Variants in TTC7B observed in about 807,000 individuals in gnomAD.
The protein encoded by TTC7B is tetratricopeptide repeat domain 7B, also known as tetratricopeptide repeat protein 7B.
TTC7B carries 28 observed loss-of-function variants against 106.8 expected under a neutral mutation model. That is an observed-to-expected ratio of 0.26 (90% CI 0.19 to 0.36). The LOEUF (loss-of-function observed/expected upper bound fraction) is 0.36, where lower values mean the gene tolerates loss of function less well. Ranked by LOEUF, TTC7B falls within the 10% of genes least tolerant of loss-of-function variation. The pLI is 1.00. For synonymous variants in TTC7B, 405 were observed against 430.6 expected, an observed-to-expected ratio of 0.94 and a Z score of 0.74; for missense variants, 862 against 1,076.4, an observed-to-expected ratio of 0.80 and a Z score of 2.79.
At position 90,538,493 on chromosome 14, in the gene TTC7B, G is replaced by T. The variant is rs1200841199; in HGVS notation, c.*2875C>A. On this transcript the variant is annotated 3_prime_UTR_variant, in exon 20 of 20. Transcript: ENST00000328459. ...GGCAAGGGCTTGAGAAGCCATCAGG[G>T]GTTTATAGAGAGAACCGACTCAATC... 2 of 152,312 alleles carry T rather than the reference G, an allele frequency of 1.3e-5. No homozygotes were observed. The highest frequency in any genetic ancestry group is 4.8e-5 in the African/African-American group (2 of 41,446). The allele number at this position is 152,312 out of a possible 1,614,324, so 9.4% of individuals were successfully genotyped here. A position where few individuals can be genotyped will look rare whatever the true frequency, so the allele number is the denominator to read the frequency against.
chr14:90,737,555 T>G (rs893687285), intron 4 of TTC7B, among the ~76,000 whole-genome samples: 5 of 140,430 alleles, frequency 3.6e-5, no homozygotes, highest in Admixed American at 7.1e-5. Flanking sequence ...TGTTTTTTTT[T>G]TTTTTTTTTT....
At chr14:90,555,746 C>T (rs1890274244) in intron 19 of TTC7B, among the ~76,000 whole-genome samples, 1 of 152,248 alleles carries the variant, frequency 6.6e-6, no homozygotes, top group African/African-American at 2.4e-5. Context: ...CATCAGTCAT[C>T]TCTCAGCTCC....
chr14:90,707,682 G>C (rs1044472805), intron 5 of TTC7B, among the ~76,000 whole-genome samples: 3 of 152,228 alleles, frequency 2.0e-5, no homozygotes, highest in African/African-American at 7.2e-5. Flanking sequence ...CTGGATAGAA[G>C]ATTAAAGCAG....
At position 90,816,201 on chromosome 14, in the gene TTC7B, T is replaced by G. The variant is rs2031179949; in HGVS notation, c.95A>C (p.Gln32Pro). ...QWERIPELVK[Q>P]LSAKLIANDD... ...GTTGGCGATGAGCTTGGCCGACAGC[T>G]GCTTGACGAGCTCAGGGATCCGCTC... The change falls in exon 1 of 20, where the codon CAG becomes CCG. Residue 32 changes from glutamine (Q) to proline (P), a missense_variant. Gln to Pro is a moderately conservative substitution (Grantham distance 76). Coordinates refer to ENST00000328459, the MANE Select transcript of TTC7B (RefSeq NM_001010854.2). 1 of 1,269,376 alleles carries G rather than the reference T, an allele frequency of 7.9e-7. No homozygotes were observed. Among genetic ancestry groups the G allele is most frequent in the African/African-American group, 1.6e-5 (1 of 62,506 alleles). The allele number at this position is 1,269,376 out of a possible 1,614,324, so 78.6% of individuals were successfully genotyped here.
At chr14:90,749,719 T>A (rs948498688) in intron 3 of TTC7B, among the ~76,000 whole-genome samples, 12 of 151,980 alleles carry the variant, frequency 7.9e-5, no homozygotes, top group Middle Eastern at 3.4e-3. Flanking sequence ...ATAATAATTT[T>A]TCTTTCTTTC....
chr14:90,566,064 C>T (rs140365976), intron 19 of TTC7B, among the ~76,000 whole-genome samples: 21 of 152,158 alleles, frequency 1.4e-4, no homozygotes, highest in Non-Finnish European at 2.9e-4. Context: ...AAAAATGGCA[C>T]TGATAGACCA....
At chr14:90,588,477 G>A (rs1891811415) in intron 18 of TTC7B, among the ~76,000 whole-genome samples, 1 of 152,174 alleles carries the variant, frequency 6.6e-6, no homozygotes, top group Non-Finnish European at 1.5e-5. Context: ...TGTTTGGTTT[G>A]GAAAAGACCC....
chr14:90,779,691 C>T (rs2140034623), intron 3 of TTC7B, among the ~76,000 whole-genome samples: 1 of 152,338 alleles, frequency 6.6e-6, no homozygotes, highest in South Asian at 2.1e-4. Context: ...CTTAATCCTC[C>T]TAAGAGCCCC....
At chr14:90,731,295 G>C (rs1280187136) in intron 4 of TTC7B, among the ~76,000 whole-genome samples, 1 of 152,108 alleles carries the variant, frequency 6.6e-6, no homozygotes. Context: ...ATTTCTCAGA[G>C]GAAAGCCTAC....
rs556574929 is a variant in TTC7B at position 90,562,806 on chromosome 14, G to A, written c.2310+15300C>T. 2.0e-3 allele frequency among the ~76,000 whole-genome samples: 305 copies of A among 152,174 alleles called. 2 individuals are homozygous for A. The highest frequency in any genetic ancestry group is 3.4e-3 in the Middle Eastern group (1 of 294). ...AGCCTTTCCACACTCAAACTTGCCC[G>A]AATGTCCCATGCATAAGCCACCTCC... is the stretch of plus-strand genomic sequence containing the variant. On this transcript the variant is annotated intron_variant, in intron 19 of 19. Coordinates refer to ENST00000328459, the MANE Select transcript of TTC7B (RefSeq NM_001010854.2).
intron 4 of TTC7B, among the ~76,000 whole-genome samples, chr14:90,731,677 G>T (rs531303322): frequency 6.6e-6 from 1 of 152,052 alleles, no homozygotes; most frequent in Non-Finnish European, 1.5e-5. Flanking sequence ...CCCACTACAG[G>T]CTCCTCCTCC....
intron 9 of TTC7B, among the ~76,000 whole-genome samples, chr14:90,675,502 G>A (rs1248516428): frequency 2.0e-5 from 3 of 152,086 alleles, no homozygotes; most frequent in Non-Finnish European, 2.9e-5. Context: ...ATGTGGTGGG[G>A]GCATCTGCAC....
chr14:90,802,798 C>T lies in TTC7B; in HGVS notation c.121+13377G>A, dbSNP rs1415520450. ...AGAGCCGGGTGTAACAGGGCAGGGACACTGTCAAGCAGCGGGGTTAGAAGA... is the reference window on the plus strand; with the variant it reads ...AGAGCCGGGTGTAACAGGGCAGGGATACTGTCAAGCAGCGGGGTTAGAAGA... On this transcript the variant is annotated intron_variant, in intron 1 of 19. Transcript: ENST00000328459. This position sits in a 1 kb window ranked among gnomAD's most constrained non-coding sequence, Gnocchi z 4.7. 6.6e-6 allele frequency among the ~76,000 whole-genome samples: 1 copy of T among 152,040 alleles called. No individual in the cohort carries two copies. The highest frequency in any genetic ancestry group is 1.5e-5 in the Non-Finnish European group (1 of 68,008).
At chr14:90,784,421 G>A (rs1891314863) in intron 2 of TTC7B, among the ~76,000 whole-genome samples, 1 of 152,168 alleles carries the variant, frequency 6.6e-6, no homozygotes, top group African/African-American at 2.4e-5. Flanking sequence ...GCCGGGCGTG[G>A]TGGCGGGTGC....
intron 3 of TTC7B, among the ~76,000 whole-genome samples, chr14:90,777,774 G>A (rs8014814): frequency 0.011 from 1,640 of 152,306 alleles, 26 homozygotes; most frequent in African/African-American, 0.037. Flanking sequence ...GAGCAGGCCT[G>A]TCTCTGGGCA....
chr14:90,565,621 C>T (rs1432473267), intron 19 of TTC7B, among the ~76,000 whole-genome samples: 6 of 150,680 alleles, frequency 4.0e-5, no homozygotes, highest in South Asian at 2.1e-4. Flanking sequence ...AGGATGGTCT[C>T]GATCTCCTGA....
intron 13 of TTC7B, among the ~76,000 whole-genome samples, chr14:90,652,480 GTTT>G (rs35126260): frequency 4.5e-5 from 5 of 110,300 alleles, no homozygotes; most frequent in African/African-American, 1.7e-4. Context: ...AGTTTGACAT[GTTT>G]TTTTTAAAAA....
At chr14:90,695,603 T>C in intron 5 of TTC7B, 25 bp from the exon 6 acceptor site, 2 of 1,498,060 alleles carry the variant, frequency 1.3e-6, no homozygotes, top group Non-Finnish European at 1.8e-6. Flanking sequence ...AATTTGACGG[T>C]TTTCATCTGG....
intron 2 of TTC7B, among the ~76,000 whole-genome samples, chr14:90,783,339 A>G (rs1891280289): frequency 6.6e-6 from 1 of 152,238 alleles, no homozygotes; most frequent in African/African-American, 2.4e-5. Context: ...AGTTGGTGTG[A>G]GTAGGACAGC....
Sources: gnomAD v4.1 joint callset for allele counts (sites outside exome capture counted in the v4.1 genomes callset) on GRCh38, gnomAD v4.1.1 for gene constraint, Gnocchi (gnomAD v3.1) non-coding constraint, MANE v1.5 for transcripts, NCBI Gene and HGNC (gene_info 2026-07-23, HGNC 2026-07-21) for gene names.